Variants in PACRG observed in about 807,000 individuals in gnomAD.
The protein encoded by PACRG is parkin coregulated.
A neutral mutation model predicts 29.7 loss-of-function variants in PACRG; 29 were observed. That is an observed-to-expected ratio of 0.98 (90% CI 0.73 to 1.33). The LOEUF is 1.33. Ranked by LOEUF, PACRG falls within the 40% of genes most tolerant of loss-of-function variation. The probability of loss-of-function intolerance (pLI) is 0.00; values close to 1 mark genes in which losing one functional copy is unlikely to be tolerated. For missense variants in PACRG, 279 were observed against 316.2 expected (o/e 0.88, Z 0.89); for synonymous variants, 116 against 118.7 (o/e 0.98, Z 0.15).
intron 1 of PACRG, among the ~76,000 whole-genome samples, chr6:162,760,557 G>A (rs904821669): frequency 1.3e-5 from 2 of 152,178 alleles, no homozygotes; most frequent in Non-Finnish European, 2.9e-5. Flanking sequence ...TATGTTTTAT[G>A]TGTCAGGCAA....
intron 2 of PACRG, among the ~76,000 whole-genome samples, chr6:162,996,107 T>C (rs532653555): frequency 6.6e-6 from 1 of 152,250 alleles, no homozygotes; most frequent in East Asian, 1.9e-4. Flanking sequence ...GCTAAGAGAA[T>C]AAATTAAATC....
chr6:162,956,721 T>C (rs1458958800), intron 2 of PACRG, among the ~76,000 whole-genome samples: 1 of 152,100 alleles, frequency 6.6e-6, no homozygotes, highest in African/African-American at 2.4e-5. Flanking sequence ...CCTGGATGTG[T>C]CTCTGTTTCC....
intron 2 of PACRG, among the ~76,000 whole-genome samples, chr6:162,826,354 A>G (rs918013376): frequency 6.6e-6 from 1 of 152,158 alleles, no homozygotes; most frequent in African/African-American, 2.4e-5. Context: ...TCATTTTTGT[A>G]TGTATATAGT....
At chr6:163,196,323 C>G (rs970895332) in intron 4 of PACRG, among the ~76,000 whole-genome samples, 1 of 152,212 alleles carries the variant, frequency 6.6e-6, no homozygotes, top group Non-Finnish European at 1.5e-5. Context: ...AACCACGACC[C>G]AAATGTTAAA....
At chr6:162,943,246 G>C (rs183865893) in intron 2 of PACRG, among the ~76,000 whole-genome samples, 1 of 152,278 alleles carries the variant, frequency 6.6e-6, no homozygotes, top group African/African-American at 2.4e-5. Context: ...AATGCATCCT[G>C]TTCTGGGGAC....
chr6:162,862,694 C>T (rs1215836487), intron 2 of PACRG, among the ~76,000 whole-genome samples: 1 of 152,180 alleles, frequency 6.6e-6, no homozygotes, highest in Non-Finnish European at 1.5e-5. Context: ...TTTCTCAACC[C>T]TCATCCATAA....
chr6:162,905,014 C>T lies in PACRG; in HGVS notation c.291+90733C>T, dbSNP rs941947607. On this transcript the variant is annotated intron_variant, in intron 2 of 4. Transcript: ENST00000366888. ...GACTATACATGGAGTTGAAAGGGCACAATGCCTGGGACAGAGACAGAGATG... is the reference window on the plus strand; with the variant it reads ...GACTATACATGGAGTTGAAAGGGCATAATGCCTGGGACAGAGACAGAGATG... Among the ~76,000 whole-genome samples the T allele has an allele frequency of 3.9e-5, 6 of 152,194 alleles. No homozygotes were observed. The South Asian group carries it at 1.2e-3, about 32-fold the overall frequency.
chr6:162,787,582 G>GTATA (rs869254835), intron 1 of PACRG, among the ~76,000 whole-genome samples: 1,122 of 62,228 alleles, frequency 0.018, 20 homozygotes, highest in East Asian at 0.047. Context: ...GTGTGTGTGT[G>GTATA]TATATATATA....
intron 4 of PACRG, among the ~76,000 whole-genome samples, chr6:163,231,863 C>T (rs1251461706): frequency 6.6e-6 from 1 of 152,200 alleles, no homozygotes. Flanking sequence ...GATAAACAGC[C>T]TCACCCAAGA....
At chr6:163,249,057 G>A (rs1235978352) in intron 4 of PACRG, among the ~76,000 whole-genome samples, 1 of 150,214 alleles carries the variant, frequency 6.7e-6, no homozygotes, top group Non-Finnish European at 1.5e-5. Context: ...TGAGAATCTG[G>A]TTTGTTCTTA....
intron 2 of PACRG, among the ~76,000 whole-genome samples, chr6:163,028,624 A>G (rs1461571116): frequency 1.3e-5 from 2 of 152,246 alleles, no homozygotes; most frequent in African/African-American, 2.4e-5. Context: ...AAATATTTAA[A>G]TATTCGTTTT....
chr6:163,162,700 A>C (rs1050778546), intron 4 of PACRG, among the ~76,000 whole-genome samples: 7 of 152,210 alleles, frequency 4.6e-5, no homozygotes, highest in African/African-American at 1.7e-4. Flanking sequence ...CAAGCTTCCC[A>C]GGTGGTACAT....
chr6:162,852,036 G>A (rs1467268613), intron 2 of PACRG, among the ~76,000 whole-genome samples: 1 of 151,276 alleles, frequency 6.6e-6, no homozygotes, highest in East Asian at 2.0e-4. Flanking sequence ...AGGAAGGAAG[G>A]AAAGATGGAA....
At chr6:163,050,606 C>A (rs970026298) in intron 2 of PACRG, among the ~76,000 whole-genome samples, 1 of 152,180 alleles carries the variant, frequency 6.6e-6, no homozygotes. Flanking sequence ...AAATACCCTT[C>A]AGTCTTAGTC....
At chr6:162,892,453 A>G (rs1375652897) in intron 2 of PACRG, among the ~76,000 whole-genome samples, 1 of 152,196 alleles carries the variant, frequency 6.6e-6, no homozygotes, top group Non-Finnish European at 1.5e-5. Flanking sequence ...GGAATCATCT[A>G]GATCTATTTT....
At chr6:162,937,971 A>G (rs987847214) in intron 2 of PACRG, among the ~76,000 whole-genome samples, 2 of 151,744 alleles carry the variant, frequency 1.3e-5, no homozygotes, top group Non-Finnish European at 2.9e-5. Flanking sequence ...TTTAGTGGTG[A>G]TTTGTGAGAT....
intron 4 of PACRG, among the ~76,000 whole-genome samples, chr6:163,256,344 A>C (rs1190986449): frequency 6.6e-6 from 1 of 152,246 alleles, no homozygotes; most frequent in Non-Finnish European, 1.5e-5. Context: ...TGAAGATGCA[A>C]CAGTGAACAG....
At chr6:162,850,708 A>G (rs1790785403) in intron 2 of PACRG, among the ~76,000 whole-genome samples, 1 of 152,194 alleles carries the variant, frequency 6.6e-6, no homozygotes, top group South Asian at 2.1e-4. Context: ...TGCCCTATCC[A>G]TCTCTTCATC....
chr6:163,199,921 A>G (rs1368789308), intron 4 of PACRG, among the ~76,000 whole-genome samples: 1 of 152,228 alleles, frequency 6.6e-6, no homozygotes, highest in Non-Finnish European at 1.5e-5. Flanking sequence ...TTTGTATTAT[A>G]TGTAACATAT....
Sources: allele counts gnomAD v4.1 joint callset (sites outside exome capture counted in the v4.1 genomes callset), GRCh38; gene constraint gnomAD v4.1.1; transcripts MANE v1.5; gene names NCBI Gene and HGNC (gene_info 2026-07-23, HGNC 2026-07-21).